EML6: variants seen among roughly 807,000 people sequenced by gnomAD.
EML6 encodes echinoderm microtubule-associated protein-like 6.
EML6 carries 154 observed loss-of-function variants against 240.1 expected under a neutral mutation model. The observed-to-expected ratio is 0.64, with a 90% CI of 0.56 to 0.73. The LOEUF is 0.73. EML6 is among the 30% of genes least tolerant of loss of function. The pLI is 0.00. For synonymous variants in EML6, 1,148 were observed against 899.0 expected, an observed-to-expected ratio of 1.28 and a Z score of -4.95; for missense variants, 2,964 against 2,474.6, an observed-to-expected ratio of 1.20 and a Z score of -4.20.
At chr2:54,757,925 C>G (rs1359802864) in intron 2 of EML6, among the ~76,000 whole-genome samples, 1 of 147,898 alleles carries the variant, frequency 6.8e-6, no homozygotes, top group Non-Finnish European at 1.5e-5. Context: ...CATACTTTAT[C>G]CTTTCTTCTT....
intron 2 of EML6, among the ~76,000 whole-genome samples, chr2:54,799,396 T>C (rs1247929832): frequency 6.6e-6 from 1 of 151,134 alleles, no homozygotes; most frequent in Non-Finnish European, 1.5e-5. Context: ...GAGCCTCTGG[T>C]GTGTGGTGGC....
At chr2:54,821,374 T>A (rs1434398000) in intron 5 of EML6, among the ~76,000 whole-genome samples, 3 of 152,294 alleles carry the variant, frequency 2.0e-5, no homozygotes, top group African/African-American at 7.2e-5. Context: ...TACAAAACTC[T>A]GCAGAAGAAT....
intron 17 of EML6, among the ~76,000 whole-genome samples, chr2:54,885,316 A>G (rs1046268715): frequency 1.3e-5 from 2 of 151,840 alleles, no homozygotes; most frequent in Non-Finnish European, 2.9e-5. Context: ...GCATGGTGGC[A>G]CATGCCTGTA....
At position 54,958,331 on chromosome 2, in the gene EML6, A is replaced by G. The variant is rs953851481; in HGVS notation, c.4695+333A>G. On this transcript the variant is annotated intron_variant, in intron 33 of 41. Coordinates refer to ENST00000356458, the MANE Select transcript of EML6 (RefSeq NM_001039753.4). ...CTCAGCCTCCCAAGTAGCTGGGACT[A>G]TAGGCACCTGCCACCACGCCTGGCT... Among the ~76,000 whole-genome samples the G allele has an allele frequency of 5.9e-5, 9 of 152,112 alleles. No individual in the cohort carries two copies. In the East Asian group the frequency reaches 7.7e-4, roughly 13 times the overall value.
chr2:54,930,408 C>T (rs1674790356), intron 28 of EML6, among the ~76,000 whole-genome samples: 1 of 152,108 alleles, frequency 6.6e-6, no homozygotes, highest in South Asian at 2.1e-4. Flanking sequence ...ATAGAGAGGA[C>T]CCTAAGAATT....
intron 29 of EML6, among the ~76,000 whole-genome samples, chr2:54,949,934 T>G (rs1397338777): frequency 6.6e-6 from 1 of 152,238 alleles, no homozygotes; most frequent in African/African-American, 2.4e-5. Flanking sequence ...GTATCTTTTC[T>G]GTAGAGTCTT....
At chr2:54,751,049 G>A (rs1372121148) in intron 2 of EML6, among the ~76,000 whole-genome samples, 3 of 152,210 alleles carry the variant, frequency 2.0e-5, no homozygotes, top group African/African-American at 7.2e-5. Flanking sequence ...AGGATGTTGA[G>A]CTTGACGCAT....
At chr2:54,734,578 T>C (rs1489879475) in intron 2 of EML6, among the ~76,000 whole-genome samples, 4 of 152,106 alleles carry the variant, frequency 2.6e-5, no homozygotes, top group Non-Finnish European at 5.9e-5. Flanking sequence ...GAGGCTGATA[T>C]TGGCAGGCAC....
chr2:54,860,520 C>T (rs1670619621), intron 12 of EML6, among the ~76,000 whole-genome samples: 1 of 152,144 alleles, frequency 6.6e-6, no homozygotes, highest in Non-Finnish European at 1.5e-5. Context: ...AGCTGGCAGC[C>T]TAAGAAACAG....
intron 28 of EML6, among the ~76,000 whole-genome samples, chr2:54,947,954 C>T (rs560969329): frequency 2.6e-5 from 4 of 152,300 alleles, no homozygotes; most frequent in South Asian, 2.1e-4. Context: ...GTTGCTAATG[C>T]GGCTCTAAAC....
chr2:54,926,918 A>G (rs1674578719), intron 26 of EML6, among the ~76,000 whole-genome samples: 1 of 152,098 alleles, frequency 6.6e-6, no homozygotes, highest in African/African-American at 2.4e-5. Flanking sequence ...TTGAGGGTGT[A>G]GAGAGGCATT....
intron 2 of EML6, among the ~76,000 whole-genome samples, chr2:54,805,142 A>G (rs1304452845): frequency 6.6e-6 from 1 of 152,168 alleles, no homozygotes; most frequent in Non-Finnish European, 1.5e-5. Context: ...TGTGGATGTC[A>G]CTAGTTCCAT....
chr2:54,955,270 G>C (rs113237220), intron 32 of EML6, among the ~76,000 whole-genome samples: 12 of 152,296 alleles, frequency 7.9e-5, no homozygotes, highest in African/African-American at 2.9e-4. Context: ...CAGAGAAATT[G>C]AGCATCTTAA....
intron 2 of EML6, among the ~76,000 whole-genome samples, chr2:54,803,059 A>T (rs1313183494): frequency 6.6e-6 from 1 of 152,174 alleles, no homozygotes; most frequent in East Asian, 1.9e-4. Context: ...AACTTGCTGG[A>T]TGAAATATTA....
chr2:54,928,173 T>A, intron 26 of EML6, 140 bp from the exon 27 acceptor site: 1 of 711,954 alleles, frequency 1.4e-6, no homozygotes, highest in South Asian at 1.7e-5. Context: ...CCTGCCCACA[T>A]GGAGCTTACA....
At chr2:54,965,615 A>C (rs1265046256) in intron 38 of EML6, among the ~76,000 whole-genome samples, 2 of 152,120 alleles carry the variant, frequency 1.3e-5, no homozygotes, top group African/African-American at 4.8e-5. Flanking sequence ...AGGAGTGCTA[A>C]TTGGTCAGAG....
At chr2:54,960,916 C>A (rs546708333) in intron 35 of EML6, among the ~76,000 whole-genome samples, 2 of 152,194 alleles carry the variant, frequency 1.3e-5, no homozygotes, top group African/African-American at 4.8e-5. Flanking sequence ...CTTCTATTTC[C>A]TTCTATTTAA....
At chr2:54,861,200 C>T (rs1264129618) in intron 12 of EML6, among the ~76,000 whole-genome samples, 1 of 152,154 alleles carries the variant, frequency 6.6e-6, no homozygotes, top group African/African-American at 2.4e-5. Flanking sequence ...TCTGGCTCGC[C>T]CCAGTGATAA....
chr2:54,873,041 G>A (rs1005466866), intron 16 of EML6, among the ~76,000 whole-genome samples: 1 of 152,140 alleles, frequency 6.6e-6, no homozygotes, highest in Non-Finnish European at 1.5e-5. Context: ...TGTGCAAATA[G>A]AAGCTACTAA....
Sources: allele counts gnomAD v4.1 joint callset (sites outside exome capture counted in the v4.1 genomes callset), GRCh38; gene constraint gnomAD v4.1.1; transcripts MANE v1.5; gene names NCBI Gene and HGNC (gene_info 2026-07-23, HGNC 2026-07-21).